Variants in ZNF804B observed in about 807,000 individuals in gnomAD.
The protein encoded by ZNF804B is zinc finger protein 804B, also known as zinc finger 804B.
In ZNF804B, 80 loss-of-function variants were observed where a neutral mutation model predicts 101.4. The observed-to-expected ratio is 0.79, with a 90% CI of 0.66 to 0.95. ZNF804B has a LOEUF of 0.95. Ranked by LOEUF, ZNF804B falls within the 40% of genes least tolerant of loss-of-function variation. The pLI is 0.00. For missense variants in ZNF804B, 1,673 were observed against 1,561.9 expected, an observed-to-expected ratio of 1.07 and a Z score of -1.20; for synonymous variants, 622 against 558.8, an observed-to-expected ratio of 1.11 and a Z score of -1.59.
chr7:88,955,073 A>C (rs1046909756), intron 1 of ZNF804B, among the ~76,000 whole-genome samples: 1 of 150,246 alleles, frequency 6.7e-6, no homozygotes, highest in African/African-American at 2.4e-5. Flanking sequence ...CAGCATGGGC[A>C]ATATCGTGAG....
chr7:88,934,908 CA>C (rs1281050597), intron 1 of ZNF804B, among the ~76,000 whole-genome samples: 2 of 151,754 alleles, frequency 1.3e-5, no homozygotes, highest in East Asian at 3.9e-4. Flanking sequence ...TATTGTTATA[CA>C]AAAAGACACA....
intron 1 of ZNF804B, among the ~76,000 whole-genome samples, chr7:89,083,808 G>T (rs1375574620): frequency 6.6e-6 from 1 of 151,630 alleles, no homozygotes; most frequent in African/African-American, 2.4e-5. Flanking sequence ...TCTTCTATTT[G>T]TCTTTGTGTT....
At chr7:88,872,309 T>A (rs1791839217) in intron 1 of ZNF804B, among the ~76,000 whole-genome samples, 2 of 151,890 alleles carry the variant, frequency 1.3e-5, no homozygotes, top group Admixed American at 6.6e-5. Context: ...CTGAACACCT[T>A]GGGAGGCCAA....
chr7:89,215,850 C>G (rs1860717), intron 1 of ZNF804B, among the ~76,000 whole-genome samples: 35,772 of 150,256 alleles, frequency 0.24, 4,541 homozygotes, highest in Non-Finnish European at 0.27. Flanking sequence ...CGCCACTGCA[C>G]TCCAGCCTGG....
At chr7:89,331,428 A>C (rs971432636) in intron 3 of ZNF804B, among the ~76,000 whole-genome samples, 17 of 151,772 alleles carry the variant, frequency 1.1e-4, no homozygotes, top group African/African-American at 3.6e-4. Flanking sequence ...TTTATTAAAT[A>C]TGCCTAATGA....
intron 1 of ZNF804B, among the ~76,000 whole-genome samples, chr7:88,832,958 G>C (rs566065115): frequency 2.6e-4 from 39 of 152,032 alleles, no homozygotes; most frequent in Admixed American, 2.0e-3. Flanking sequence ...ATTTAGGCTG[G>C]ACCATCGATT....
intron 1 of ZNF804B, among the ~76,000 whole-genome samples, chr7:89,072,491 A>G (rs916089558): frequency 6.6e-6 from 1 of 152,202 alleles, no homozygotes; most frequent in Non-Finnish European, 1.5e-5. Context: ...CTGATATAGT[A>G]TGAACTTGCA....
At chr7:88,822,365 C>T (rs1011856221) in intron 1 of ZNF804B, among the ~76,000 whole-genome samples, 1 of 152,102 alleles carries the variant, frequency 6.6e-6, no homozygotes, top group Non-Finnish European at 1.5e-5. Context: ...GAGTCATTTT[C>T]TCTACTTAAA....
At chr7:89,259,638 C>T (rs1789682252) in intron 2 of ZNF804B, among the ~76,000 whole-genome samples, 1 of 152,126 alleles carries the variant, frequency 6.6e-6, no homozygotes, top group Non-Finnish European at 1.5e-5. Flanking sequence ...TAGACTAAGT[C>T]ATTGCCTTCA....
chr7:88,929,825 A>T (rs530707980), intron 1 of ZNF804B, among the ~76,000 whole-genome samples: 1 of 151,988 alleles, frequency 6.6e-6, no homozygotes, highest in Non-Finnish European at 1.5e-5. Context: ...TTTCACAGAG[A>T]TTTAGTTTAT....
chr7:88,819,484 G>T (rs1790941507), intron 1 of ZNF804B, among the ~76,000 whole-genome samples: 1 of 152,036 alleles, frequency 6.6e-6, no homozygotes, highest in Non-Finnish European at 1.5e-5. Flanking sequence ...CCAATGAAGA[G>T]GGGGTTACCT....
In ZNF804B at chr7:89,338,278, G is replaced by C. The variant is rs1791135702; in HGVS notation, c.*1246G>C. On this transcript the variant is annotated 3_prime_UTR_variant, in exon 4 of 4. Coordinates refer to ENST00000333190, the MANE Select transcript of ZNF804B (RefSeq NM_181646.5). ...ACTCCTCTACCACTAGAAGATTAGA[G>C]GATGTCTTCTTCAGCCTTGGCTGCA... Among the ~76,000 whole-genome samples the C allele has an allele frequency of 6.6e-6, 1 of 152,168 alleles. No individual in the cohort carries two copies. The highest frequency in any genetic ancestry group is 2.1e-4 in the South Asian group (1 of 4,822).
At chr7:88,795,807 G>C (rs1195219940) in intron 1 of ZNF804B, 1 of 152,074 alleles carries the variant, frequency 6.6e-6, no homozygotes, top group Non-Finnish European at 1.5e-5. Flanking sequence ...AAGGACCAGA[G>C]CGCCAAGTTT....
At chr7:88,764,836 A>G (rs1789956780) in intron 1 of ZNF804B, among the ~76,000 whole-genome samples, 1 of 152,196 alleles carries the variant, frequency 6.6e-6, no homozygotes, top group African/African-American at 2.4e-5. Flanking sequence ...AGTCACCTGC[A>G]TCCTCTTCTT....
chr7:89,146,490 G>A (rs1228245805), intron 1 of ZNF804B, among the ~76,000 whole-genome samples: 1 of 151,896 alleles, frequency 6.6e-6, no homozygotes, highest in African/African-American at 2.4e-5. Flanking sequence ...GTAGACTTAT[G>A]GAAATAAAAT....
chr7:89,329,697 CCT>C (rs1456780733), intron 3 of ZNF804B, among the ~76,000 whole-genome samples: 1 of 151,524 alleles, frequency 6.6e-6, no homozygotes, highest in Non-Finnish European at 1.5e-5. Context: ...GGGTTTAGTC[CCT>C]CTCTGTATGT....
chr7:89,139,271 CAT>C lies in ZNF804B; in HGVS notation c.109-78882_109-78881del, dbSNP rs1399035939. ...ATAATTATATCAGCATTCAGTAAGT[CAT>C]AATCTTTTTGCTGGTTGCGGCTCTT... On this transcript the variant is annotated intron_variant, in intron 1 of 3. Transcript: ENST00000333190. Among the ~76,000 whole-genome samples the C allele has an allele frequency of 1.7e-4, 26 of 152,204 alleles. No homozygotes were observed. In the East Asian group the frequency reaches 5.0e-3, roughly 30 times the overall value.
chr7:88,871,497 A>G (rs1335727888), intron 1 of ZNF804B, among the ~76,000 whole-genome samples: 1 of 152,188 alleles, frequency 6.6e-6, no homozygotes, highest in Non-Finnish European at 1.5e-5. Flanking sequence ...TATAAAATTC[A>G]TTAATTATAT....
At chr7:89,199,529 A>T (rs1221930099) in intron 1 of ZNF804B, among the ~76,000 whole-genome samples, 1 of 151,872 alleles carries the variant, frequency 6.6e-6, no homozygotes, top group African/African-American at 2.4e-5. Flanking sequence ...TTCTATAATC[A>T]ATATATTGGC....
Sources: allele counts gnomAD v4.1 joint callset (sites outside exome capture counted in the v4.1 genomes callset), GRCh38; gene constraint gnomAD v4.1.1; transcripts MANE v1.5; gene names NCBI Gene and HGNC (gene_info 2026-07-23, HGNC 2026-07-21).